Variants in INPP5D observed in about 807,000 individuals in gnomAD.
The protein encoded by INPP5D is inositol polyphosphate-5-phosphatase D, also known as phosphatidylinositol 3,4,5-trisphosphate 5-phosphatase 1.
In INPP5D, 33 loss-of-function variants were observed where a neutral mutation model predicts 122.9. That is an observed-to-expected ratio of 0.27 (90% CI 0.20 to 0.36). The LOEUF (loss-of-function observed/expected upper bound fraction) is 0.36. Ranked by LOEUF, INPP5D falls within the 10% of genes least tolerant of loss-of-function variation. The pLI is 1.00. For missense variants in INPP5D, 1,053 were observed against 1,412.7 expected, an observed-to-expected ratio of 0.75 and a Z score of 4.08; for synonymous variants, 584 against 576.2, an observed-to-expected ratio of 1.01 and a Z score of -0.19.
At chr2:233,146,018 A>G in intron 6 of INPP5D, 144 bp from the exon 7 acceptor site, 1 of 702,710 alleles carries the variant, frequency 1.4e-6, no homozygotes, top group Non-Finnish European at 2.6e-6. Context: ...CTGTGTCCTC[A>G]TCTGCCAGAA....
chr2:233,151,346 T>A lies in INPP5D; in HGVS notation c.1030+3752T>A, dbSNP rs575424913. The stretch of plus-strand genomic sequence containing the variant: ...AATAATAATAACAATAATAGGCTAT[T>A]TCAGAGCAGGTTTGTGAGCCCTGAA... On this transcript the variant is annotated intron_variant, in intron 9 of 26. Transcript: ENST00000445964. Among the ~76,000 whole-genome samples the A allele has an allele frequency of 2.6e-5, 4 of 151,874 alleles. No homozygotes were observed. The East Asian group carries it at 7.8e-4, about 29-fold the overall frequency.
intron 9 of INPP5D, among the ~76,000 whole-genome samples, chr2:233,150,791 G>A (rs1384250263): frequency 2.0e-5 from 3 of 152,180 alleles, no homozygotes; most frequent in Non-Finnish European, 2.9e-5. Flanking sequence ...GGTTAGTCCC[G>A]AGGGAGGACT....
Position 233,177,210 on chromosome 2 carries a change from A to AT in INPP5D, c.1990-53dup. On this transcript the variant is annotated intron_variant, in intron 17 of 26. Transcript: ENST00000445964. The surrounding 1 kb of genome is among the most constrained non-coding windows in gnomAD (Gnocchi z 4.2). ...CACCAGTTAATCTGTTCTTTTACTG[A>AT]TTAAAAAAATAATAATAAGAGGCAT... 6.2e-7 allele frequency: 1 copy of AT among 1,608,740 alleles called. No individual in the cohort carries two copies. The highest frequency in any genetic ancestry group is 8.5e-7 in the Non-Finnish European group (1 of 1,176,388).
intron 2 of INPP5D, among the ~76,000 whole-genome samples, chr2:233,084,335 G>A (rs549482326): frequency 2.0e-5 from 3 of 152,356 alleles, no homozygotes; most frequent in African/African-American, 4.8e-5. Flanking sequence ...GATTACAGGC[G>A]TGAGCCACCA....
intron 2 of INPP5D, among the ~76,000 whole-genome samples, chr2:233,088,375 C>G (rs1380066660): frequency 6.6e-6 from 1 of 152,216 alleles, no homozygotes; most frequent in Admixed American, 6.5e-5. Context: ...GATTTTCACT[C>G]CTGGGTCATA....
chr2:233,156,500 G>T (rs976939864), intron 9 of INPP5D, among the ~76,000 whole-genome samples: 9 of 152,232 alleles, frequency 5.9e-5, no homozygotes, highest in Non-Finnish European at 1.2e-4. Flanking sequence ...TCACCATGTT[G>T]CCCAGGCTGG....
intron 22 of INPP5D, 86 bp downstream of exon 22, chr2:233,190,023 C>G: frequency 6.5e-7 from 1 of 1,549,720 alleles, no homozygotes; most frequent in Non-Finnish European, 8.7e-7. Flanking sequence ...TCACCTGGCA[C>G]TTCCGGTCAT....
In INPP5D at chr2:233,132,880, C is replaced by G. The variant is rs915655253; in HGVS notation, c.665+2232C>G. On this transcript the variant is annotated intron_variant, in intron 5 of 26. Coordinates refer to ENST00000445964, the MANE Select transcript of INPP5D (RefSeq NM_001017915.3). ...ACAGTAGACTAAGGATCCAGATGAA[C>G]AAGAATTTTTTTTTTTTTTTTTTTT... is the stretch of plus-strand genomic sequence containing the variant. Among the ~76,000 whole-genome samples, 3 of 130,384 alleles carry G rather than the reference C, an allele frequency of 2.3e-5. No homozygotes were observed. In the East Asian group the frequency reaches 6.6e-4, roughly 29 times the overall value. 85.5% of individuals were successfully genotyped at this position (130,384 alleles called of 152,430 possible).
At chr2:233,130,408 T>C in intron 4 of INPP5D, 100 bp from the exon 5 acceptor site, 1 of 1,319,994 alleles carries the variant, frequency 7.6e-7, no homozygotes, top group Non-Finnish European at 1.0e-6. Flanking sequence ...CCTTGGAGGC[T>C]CTGAGGATGA....
intron 19 of INPP5D, 125 bp downstream of exon 19, chr2:233,182,624 A>G (rs1440724051): frequency 1.4e-6 from 2 of 1,423,288 alleles, no homozygotes; most frequent in Non-Finnish European, 1.9e-6. Flanking sequence ...CAAGTCCACA[A>G]TATCAGTCAG....
intron 2 of INPP5D, among the ~76,000 whole-genome samples, chr2:233,098,392 C>T (rs6437095): frequency 0.7 from 106,936 of 151,808 alleles, 37,878 homozygotes; most frequent in Middle Eastern, 0.8. Context: ...CAACCCACTG[C>T]GAGGCTCCTC....
At chr2:233,081,516 G>A (rs1182506597) in intron 2 of INPP5D, among the ~76,000 whole-genome samples, 3 of 152,180 alleles carry the variant, frequency 2.0e-5, no homozygotes, top group African/African-American at 7.2e-5. Flanking sequence ...CTGTAAATGT[G>A]TAGACTGCGT....
chr2:233,138,997 G>A (rs988690837), intron 5 of INPP5D, among the ~76,000 whole-genome samples: 1 of 151,102 alleles, frequency 6.6e-6, no homozygotes, highest in South Asian at 2.1e-4. Flanking sequence ...CTCGTGATCC[G>A]CCTGCCTCAG....
chr2:233,099,503 C>T (rs1692243394), intron 2 of INPP5D, among the ~76,000 whole-genome samples: 1 of 152,220 alleles, frequency 6.6e-6, no homozygotes. Context: ...CTCAGCCAGG[C>T]CCATCTCTCT....
At chr2:233,194,948 C>T (rs1695143744) in intron 23 of INPP5D, among the ~76,000 whole-genome samples, 1 of 151,822 alleles carries the variant, frequency 6.6e-6, no homozygotes, top group Non-Finnish European at 1.5e-5. Flanking sequence ...ATTACAGGTG[C>T]CCACCACTGG....
chr2:233,123,734 T>C (rs981002278), intron 3 of INPP5D, among the ~76,000 whole-genome samples: 5 of 152,228 alleles, frequency 3.3e-5, no homozygotes, highest in Non-Finnish European at 2.9e-5. Flanking sequence ...CCATCAGTGA[T>C]GACTGGATAA....
chr2:233,148,433 C>A (rs1209240223), intron 9 of INPP5D, among the ~76,000 whole-genome samples: 1 of 152,166 alleles, frequency 6.6e-6, no homozygotes, highest in African/African-American at 2.4e-5. Flanking sequence ...GGCGGAGACC[C>A]CGAGGCTGAG....
intron 22 of INPP5D, among the ~76,000 whole-genome samples, chr2:233,191,039 G>A (rs1445821464): frequency 1.3e-5 from 2 of 152,200 alleles, no homozygotes; most frequent in African/African-American, 4.8e-5. Context: ...TGGGATTGGG[G>A]AAAGGGTCTG....
rs1694859056 is a variant in INPP5D, at chr2:233,184,505, C to G, written c.2259C>G (p.His753Gln). 1 of 1,614,022 alleles carries G rather than the reference C, an allele frequency of 6.2e-7. No individual in the cohort carries two copies. The highest frequency in any genetic ancestry group is 8.5e-7 in the Non-Finnish European group (1 of 1,179,896). Reference protein sequence around the residue: ...KSQTKFYLEFHSSCLESFVKS... With the variant: ...KSQTKFYLEFQSSCLESFVKS... The stretch of plus-strand genomic sequence containing the variant: ...AGACCAAATTCTACCTGGAGTTCCA[C>G]TCGAGCTGCTTGGAGAGTAAGTGGC... The change falls in exon 20 of 27, where the codon CAC becomes CAG. Residue 753 changes from histidine (H) to glutamine (Q), a missense_variant. Around this residue, in one of 6 missense-constraint regions of INPP5D, gnomAD observed 258 missense variants for 439.1 expected, o/e 0.59. Coordinates refer to ENST00000445964, the MANE Select transcript of INPP5D (RefSeq NM_001017915.3).
Sources: gnomAD v4.1 joint callset for allele counts (sites outside exome capture counted in the v4.1 genomes callset) on GRCh38, gnomAD v4.1.1 for gene constraint, gnomAD v4.1.1 regional missense constraint, Gnocchi (gnomAD v3.1) non-coding constraint, MANE v1.5 for transcripts, NCBI Gene and HGNC (gene_info 2026-07-23, HGNC 2026-07-21) for gene names.